DPYD: variants seen among roughly 807,000 people sequenced by gnomAD.
DPYD encodes the protein dihydropyrimidine dehydrogenase [NADP(+)].
Under a neutral mutation model 116.2 loss-of-function variants are expected in DPYD, and 109 were observed. That is an observed-to-expected ratio of 0.94 (90% CI 0.80 to 1.10). The LOEUF is 1.10. Ranked by LOEUF, DPYD falls within the 50% of genes least tolerant of loss-of-function variation. DPYD has a pLI of 0.00. For missense variants in DPYD, 1,302 were observed against 1,254.5 expected, an observed-to-expected ratio of 1.04 and a Z score of -0.57; for synonymous variants, 440 against 432.0, an observed-to-expected ratio of 1.02 and a Z score of -0.23.
chr1:97,323,791 G>A (rs548841325), intron 16 of DPYD, among the ~76,000 whole-genome samples: 4 of 150,094 alleles, frequency 2.7e-5, no homozygotes, highest in Middle Eastern at 3.5e-3. Flanking sequence ...TACAAATAGC[G>A]TTCTTTATAT....
intron 13 of DPYD, among the ~76,000 whole-genome samples, chr1:97,456,572 C>T (rs1464034352): frequency 2.0e-5 from 3 of 151,964 alleles, no homozygotes; most frequent in Non-Finnish European, 4.4e-5. Flanking sequence ...TGACAGAGGC[C>T]CTAACGGGCT....
chr1:97,223,100 T>C (rs1354288188), intron 19 of DPYD, among the ~76,000 whole-genome samples: 3 of 152,114 alleles, frequency 2.0e-5, no homozygotes, highest in Admixed American at 2.0e-4. Context: ...CCATCTGCAC[T>C]CAAGTGGAAA....
chr1:97,738,779 T>C, intron 4 of DPYD, among the ~76,000 whole-genome samples: 1 of 152,100 alleles, frequency 6.6e-6, no homozygotes, highest in South Asian at 2.1e-4. Flanking sequence ...ATCTTTTAAA[T>C]AGATATCTAA....
intron 20 of DPYD, among the ~76,000 whole-genome samples, chr1:97,129,371 G>T (rs1167326272): frequency 6.6e-6 from 1 of 152,024 alleles, no homozygotes; most frequent in Admixed American, 6.6e-5. Context: ...CGGTCCTGCT[G>T]TATTCTTAAA....
intron 13 of DPYD, among the ~76,000 whole-genome samples, chr1:97,463,524 GAA>G (rs1175514983): frequency 6.6e-6 from 1 of 152,166 alleles, no homozygotes; most frequent in Non-Finnish European, 1.5e-5. Flanking sequence ...GGGTGCTGCT[GAA>G]AAGACACCTA....
chr1:97,883,363 A>G lies in DPYD; in HGVS notation c.51T>C (p.Ala17=). ...KDSADIESIL[A]LNPRTQTHAT... ...CATGAGTTTGTGTTCGAGGATTTAA[A>G]GCCAGGATACTCTAAAGACAGCATA... Residue 17 remains alanine (A), a synonymous_variant, in exon 2 of 23, where the codon GCT becomes GCC. Transcript: ENST00000370192. 1.2e-6 allele frequency: 2 copies of G among 1,607,526 alleles called. No homozygotes were observed. Among genetic ancestry groups the G allele is most frequent in the Non-Finnish European group, 1.7e-6 (2 of 1,174,320 alleles).
intron 14 of DPYD, among the ~76,000 whole-genome samples, chr1:97,397,736 A>G (rs890506455): frequency 1.3e-5 from 2 of 152,038 alleles, no homozygotes; most frequent in East Asian, 3.9e-4. Context: ...CACTGTCTGT[A>G]TGTACCAAAG....
At position 97,640,241 on chromosome 1, in the gene DPYD, AT is replaced by A. The variant is rs369959270; in HGVS notation, c.850+38853del. The stretch of plus-strand genomic sequence containing the variant: ...TCCAAATCCAATTGTTGCATTTAAG[AT>A]TTTTTTTTATTATTGCTTCCAGCTT... On this transcript the variant is annotated intron_variant, in intron 8 of 22. Coordinates refer to ENST00000370192, the MANE Select transcript of DPYD (RefSeq NM_000110.4). 1.8e-3 allele frequency among the ~76,000 whole-genome samples: 275 copies of A among 151,712 alleles called. 12 individuals are homozygous for A. In the East Asian group the frequency reaches 0.04, roughly 22 times the overall value.
chr1:97,371,784 C>T (rs923035831), intron 16 of DPYD, among the ~76,000 whole-genome samples: 1 of 152,132 alleles, frequency 6.6e-6, no homozygotes, highest in African/African-American at 2.4e-5. Flanking sequence ...AATTTCTAAA[C>T]TTGGCTGATA....
At chr1:97,285,843 G>A (rs1044416265) in intron 18 of DPYD, among the ~76,000 whole-genome samples, 9 of 151,920 alleles carry the variant, frequency 5.9e-5, no homozygotes, top group Non-Finnish European at 1.0e-4. Flanking sequence ...ATATTTTAGT[G>A]AGACTTTTGG....
chr1:97,837,479 A>G (rs1432746168), intron 2 of DPYD, among the ~76,000 whole-genome samples: 3 of 152,168 alleles, frequency 2.0e-5, no homozygotes, highest in Admixed American at 2.0e-4. Flanking sequence ...TAATTATGTC[A>G]CAGTCCTTGG....
At chr1:97,145,933 C>T (rs1299307821) in intron 20 of DPYD, among the ~76,000 whole-genome samples, 2 of 151,968 alleles carry the variant, frequency 1.3e-5, no homozygotes, top group East Asian at 1.9e-4. Flanking sequence ...TACAAAACCT[C>T]AAACTCAAGG....
intron 3 of DPYD, among the ~76,000 whole-genome samples, chr1:97,747,314 C>A (rs1281436727): frequency 6.6e-6 from 1 of 152,166 alleles, no homozygotes; most frequent in African/African-American, 2.4e-5. Flanking sequence ...TAATTTGATC[C>A]CTGTCACCTG....
intron 8 of DPYD, among the ~76,000 whole-genome samples, chr1:97,624,628 G>A (rs1656819637): frequency 6.6e-6 from 1 of 151,894 alleles, no homozygotes; most frequent in Non-Finnish European, 1.5e-5. Context: ...TTACCCAAAA[G>A]ATTTGAAATC....
chr1:97,360,845 G>C (rs1213126988), intron 16 of DPYD, among the ~76,000 whole-genome samples: 1 of 152,138 alleles, frequency 6.6e-6, no homozygotes, highest in East Asian at 1.9e-4. Flanking sequence ...GCCCACAAGA[G>C]AAAGCAGGAA....
At position 97,568,164 on chromosome 1, in the gene DPYD, A is replaced by T. The variant is rs190818752; in HGVS notation, c.1339+5596T>A. ...ACAATTTCTCATTAAAAAAATCATG[A>T]ATGTATGAGCATCTGCTTCACTTAT... On this transcript the variant is annotated intron_variant, in intron 11 of 22. Coordinates refer to ENST00000370192, the MANE Select transcript of DPYD (RefSeq NM_000110.4). 1.3e-4 allele frequency among the ~76,000 whole-genome samples: 20 copies of T among 152,230 alleles called. No homozygotes were observed. The East Asian group carries it at 3.7e-3, about 28-fold the overall frequency.
intron 8 of DPYD, among the ~76,000 whole-genome samples, chr1:97,638,072 C>G (rs1657673003): frequency 6.6e-6 from 1 of 152,098 alleles, no homozygotes; most frequent in Non-Finnish European, 1.5e-5. Context: ...TTGCTCTCTT[C>G]CTTGGCCTTG....
intron 14 of DPYD, among the ~76,000 whole-genome samples, chr1:97,401,589 C>T (rs995180641): frequency 6.6e-6 from 1 of 152,118 alleles, no homozygotes; most frequent in African/African-American, 2.4e-5. Context: ...GCTGGGATTA[C>T]AGGTGTGAGC....
intron 13 of DPYD, among the ~76,000 whole-genome samples, chr1:97,472,570 G>A (rs1004890571): frequency 2.6e-5 from 4 of 152,132 alleles, no homozygotes; most frequent in Non-Finnish European, 5.9e-5. Flanking sequence ...ATTAGCCAGG[G>A]CACTAATTGA....
Sources: gnomAD v4.1 joint callset for allele counts (sites outside exome capture counted in the v4.1 genomes callset) on GRCh38, gnomAD v4.1.1 for gene constraint, MANE v1.5 for transcripts, NCBI Gene and HGNC (gene_info 2026-07-23, HGNC 2026-07-21) for gene names.